The following KATNA1 variants were observed in gnomAD, a reference collection of about 807,000 sequenced individuals.
KATNA1 encodes katanin p60 ATPase-containing subunit A1.
Under a neutral mutation model 62.6 loss-of-function variants are expected in KATNA1, and 42 were observed. That is an observed-to-expected ratio of 0.67 (90% CI 0.52 to 0.87). The LOEUF is 0.87. Among genes scored for constraint, KATNA1 ranks in the 40% least tolerant of loss-of-function variants. The pLI, the probability that KATNA1 is intolerant of heterozygous loss-of-function variation, is 0.00. For missense variants in KATNA1, 498 were observed against 612.5 expected (o/e 0.81, Z 1.97); for synonymous variants, 186 against 201.9 (o/e 0.92, Z 0.67).
At chr6:149,640,070 GTTTTAATA>G (rs1164954144) in intron 1 of KATNA1, among the ~76,000 whole-genome samples, 1 of 152,146 alleles carries the variant, frequency 6.6e-6, no homozygotes. Context: ...TTCTAAGCCT[GTTTTAATA>G]TCTGTGGAAC....
chr6:149,622,109 C>G (rs538084788), intron 4 of KATNA1, among the ~76,000 whole-genome samples: 4 of 148,680 alleles, frequency 2.7e-5, no homozygotes, highest in Non-Finnish European at 5.9e-5. Flanking sequence ...AAATTTACAG[C>G]TTTTGATAAC....
At chr6:149,602,342 G>A (rs1321544328) in intron 6 of KATNA1, among the ~76,000 whole-genome samples, 3 of 152,136 alleles carry the variant, frequency 2.0e-5, no homozygotes, top group Non-Finnish European at 4.4e-5. Flanking sequence ...CCAGCCTGGC[G>A]ACAGAGCGAG....
In KATNA1 at chr6:149,601,684, G is replaced by A; in HGVS notation, c.798C>T (p.Cys266=). Residue 266 remains cysteine (C), a synonymous_variant, in exon 7 of 11, where the codon TGC becomes TGT. Coordinates refer to ENST00000367411, the MANE Select transcript of KATNA1 (RefSeq NM_007044.4). ...AAGAGACATTGAAGAATGTTGTCTT[G>A]CATTCTGTAGCTACTGCTTTAGCAA... The part of the protein sequence containing the change: ...TLLAKAVATE[C]KTTFFNVSSS... 1 of 1,612,586 alleles carries A rather than the reference G, an allele frequency of 6.2e-7. No homozygotes were observed. The highest frequency in any genetic ancestry group is 8.5e-7 in the Non-Finnish European group (1 of 1,179,378).
intron 7 of KATNA1, 119 bp from the exon 8 acceptor site, chr6:149,598,469 A>T: frequency 2.2e-6 from 2 of 924,986 alleles, no homozygotes; most frequent in South Asian, 3.2e-5. Flanking sequence ...TCACACCTGT[A>T]ATCCCAACAC....
chr6:149,644,796 C>A (rs959570791), intron 1 of KATNA1, among the ~76,000 whole-genome samples: 4 of 152,042 alleles, frequency 2.6e-5, no homozygotes, highest in Non-Finnish European at 5.9e-5. Flanking sequence ...AGATAAAATT[C>A]TTTAGAAGCC....
chr6:149,599,984 T>C (rs75685033), intron 7 of KATNA1, among the ~76,000 whole-genome samples: 3,897 of 152,090 alleles, frequency 0.026, 144 homozygotes, highest in African/African-American at 0.083. Flanking sequence ...CTTTGGACTT[T>C]TGCTGGAACT....
chr6:149,625,602 C>T (rs1032923346), intron 3 of KATNA1, among the ~76,000 whole-genome samples: 2 of 151,846 alleles, frequency 1.3e-5, no homozygotes, highest in Admixed American at 1.3e-4. Context: ...TGCACTCCAG[C>T]CTGGGAAACA....
intron 3 of KATNA1, among the ~76,000 whole-genome samples, chr6:149,630,542 T>A (rs1160123691): frequency 1.3e-5 from 2 of 152,050 alleles, no homozygotes; most frequent in Non-Finnish European, 2.9e-5. Flanking sequence ...GACAGGAGAA[T>A]TGCTTGAACC....
intron 9 of KATNA1, 101 bp downstream of exon 9, chr6:149,597,406 T>C: frequency 4.3e-6 from 6 of 1,385,726 alleles, no homozygotes; most frequent in Non-Finnish European, 6.0e-6. Context: ...ATACTCCTCA[T>C]GTATCTCTTC....
chr6:149,639,830 T>C (rs923444118), intron 1 of KATNA1, among the ~76,000 whole-genome samples: 3 of 152,164 alleles, frequency 2.0e-5, no homozygotes, highest in African/African-American at 7.2e-5. Flanking sequence ...TCTATATATG[T>C]CTTATCTCTA....
chr6:149,644,566 A>T (rs1780409258), intron 1 of KATNA1, among the ~76,000 whole-genome samples: 1 of 152,206 alleles, frequency 6.6e-6, no homozygotes, highest in Admixed American at 6.5e-5. Context: ...AGATGCAATG[A>T]GCTGTGATCA....
chr6:149,644,414 A>C (rs930714576), intron 1 of KATNA1, among the ~76,000 whole-genome samples: 3 of 152,000 alleles, frequency 2.0e-5, no homozygotes, highest in African/African-American at 7.2e-5. Flanking sequence ...TGAGCCCAGG[A>C]GTTCAAGACC....
rs1333260724 is a variant in KATNA1 at position 149,617,939 on chromosome 6, A to AAAATAAATAAATAAATAAATAAAT, written c.501+5140_501+5163dup. On this transcript the variant is annotated intron_variant, in intron 4 of 10. Coordinates refer to ENST00000367411, the MANE Select transcript of KATNA1 (RefSeq NM_007044.4). ...TGACAGAGTGAAACTCTTGTCTCCA[A>AAAATAAATAAATAAATAAATAAAT]AAATAAATAAATAAATAAATAAATA... Among the ~76,000 whole-genome samples, 585 of 133,550 alleles carry AAAATAAATAAATAAATAAATAAAT rather than the reference A, an allele frequency of 4.4e-3. 7 individuals carry two copies. The highest frequency in any genetic ancestry group is 0.015 in the African/African-American group (522 of 33,882). The allele number at this position is 133,550 out of a possible 152,430, so 87.6% of individuals were successfully genotyped here.
intron 1 of KATNA1, among the ~76,000 whole-genome samples, chr6:149,644,808 A>G (rs1316327649): frequency 6.6e-6 from 1 of 152,148 alleles, no homozygotes; most frequent in African/African-American, 2.4e-5. Context: ...TTAGAAGCCA[A>G]TGAATTGATA....
chr6:149,632,292 T>G (rs929658184), intron 3 of KATNA1, among the ~76,000 whole-genome samples: 3 of 151,604 alleles, frequency 2.0e-5, no homozygotes, highest in African/African-American at 7.3e-5. Flanking sequence ...GGGAAGTCAC[T>G]TGAACCCGGG....
Position 149,644,191 on chromosome 6 carries a change from C to T in KATNA1, c.-14+4278G>A, listed in dbSNP as rs116094965. ...GTGTTAGAAAAGTATAATTGGGACC[C>T]GCTGCTAAAAGTATATAGTTGTTCT... On this transcript the variant is annotated intron_variant, in intron 1 of 10. Coordinates refer to ENST00000367411, the MANE Select transcript of KATNA1 (RefSeq NM_007044.4). Among the ~76,000 whole-genome samples, 728 of 152,092 alleles carry T rather than the reference C, an allele frequency of 4.8e-3. 5 individuals carry two copies. The highest frequency in any genetic ancestry group is 0.016 in the African/African-American group (684 of 41,488).
At chr6:149,620,448 C>A (rs1363353564) in intron 4 of KATNA1, among the ~76,000 whole-genome samples, 2 of 152,090 alleles carry the variant, frequency 1.3e-5, no homozygotes, top group East Asian at 3.8e-4. Context: ...TGTGCCACCA[C>A]CCCGGCTAAT....
chr6:149,605,807 C>T lies in KATNA1; in HGVS notation c.502-1025G>A, dbSNP rs948436658. Among the ~76,000 whole-genome samples, 8 of 152,082 alleles carry T rather than the reference C, an allele frequency of 5.3e-5. No homozygotes were observed. In the East Asian group the frequency reaches 7.7e-4, roughly 15 times the overall value. ...TTTTTGAGCTAGAGTCTCACTCTGT[C>T]GCCCAGGCTAGAGTGTAGTAGTGTG... On this transcript the variant is annotated intron_variant, in intron 4 of 10. Transcript: ENST00000367411.
chr6:149,605,042 C>T (rs942637113), intron 4 of KATNA1, among the ~76,000 whole-genome samples: 4 of 151,594 alleles, frequency 2.6e-5, no homozygotes, highest in East Asian at 1.9e-4. Context: ...GGCATGGTGG[C>T]GGCACCTGTA....
Sources: allele counts gnomAD v4.1 joint callset (sites outside exome capture counted in the v4.1 genomes callset), GRCh38; gene constraint gnomAD v4.1.1; transcripts MANE v1.5; gene names NCBI Gene and HGNC (gene_info 2026-07-23, HGNC 2026-07-21).